The following SIK2 variants were observed in gnomAD, a reference collection of about 807,000 sequenced individuals.
The protein encoded by SIK2 is serine/threonine-protein kinase SIK2.
Under a neutral mutation model 103.2 loss-of-function variants are expected in SIK2, and 29 were observed. The observed-to-expected ratio is 0.28, with a 90% CI of 0.21 to 0.38. The LOEUF is 0.38. Ranked by LOEUF, SIK2 falls within the 10% of genes least tolerant of loss-of-function variation. SIK2 has a pLI of 1.00. For missense variants in SIK2, 879 were observed against 1,171.0 expected (o/e 0.75, Z 3.64); for synonymous variants, 412 against 446.1 (o/e 0.92, Z 0.96).
intron 3 of SIK2, among the ~76,000 whole-genome samples, chr11:111,684,519 T>C (rs1942819510): frequency 6.6e-6 from 1 of 152,210 alleles, no homozygotes; most frequent in Admixed American, 6.5e-5. Context: ...ACAGCTTAAA[T>C]AGCATTTTGT....
intron 3 of SIK2, among the ~76,000 whole-genome samples, chr11:111,645,927 T>C (rs1942250089): frequency 6.6e-6 from 1 of 152,206 alleles, no homozygotes; most frequent in Non-Finnish European, 1.5e-5. Context: ...GGAGTTCTGG[T>C]AATTTTTTAT....
chr11:111,707,874 C>G (rs1024695391), intron 8 of SIK2, among the ~76,000 whole-genome samples: 1 of 152,180 alleles, frequency 6.6e-6, no homozygotes, highest in African/African-American at 2.4e-5. Flanking sequence ...TCGGGCAAGT[C>G]AGCGTCTCTG....
intron 9 of SIK2, among the ~76,000 whole-genome samples, chr11:111,719,366 T>A (rs2135967499): frequency 6.7e-6 from 1 of 149,758 alleles, no homozygotes; most frequent in Non-Finnish European, 1.5e-5. Context: ...CTTTTTTTTT[T>A]TTTTTTTTTA....
At chr11:111,674,359 T>C (rs1420335559) in intron 3 of SIK2, among the ~76,000 whole-genome samples, 2 of 152,194 alleles carry the variant, frequency 1.3e-5, no homozygotes, top group Non-Finnish European at 2.9e-5. Flanking sequence ...TTTCCCAGTA[T>C]TGAACTTGGA....
intron 1 of SIK2, among the ~76,000 whole-genome samples, chr11:111,612,946 A>ATATATATATATATT (rs1203133793): frequency 1.3e-5 from 2 of 148,290 alleles, no homozygotes; most frequent in African/African-American, 5.0e-5. Flanking sequence ...ATATATATAT[A>ATATATATATATATT]TTTATGATCA....
chr11:111,714,785 G>C (rs1309774827), intron 9 of SIK2, among the ~76,000 whole-genome samples: 2 of 152,164 alleles, frequency 1.3e-5, no homozygotes, highest in Non-Finnish European at 2.9e-5. Flanking sequence ...TTGACCGAAA[G>C]GATTTAGTGT....
intron 7 of SIK2, among the ~76,000 whole-genome samples, chr11:111,704,378 G>A (rs1358111705): frequency 6.6e-6 from 1 of 152,242 alleles, no homozygotes; most frequent in Non-Finnish European, 1.5e-5. Flanking sequence ...AAAGCTGGCA[G>A]GCTAGAGATG....
At chr11:111,667,915 CAATT>C (rs1942568504) in intron 3 of SIK2, among the ~76,000 whole-genome samples, 1 of 152,218 alleles carries the variant, frequency 6.6e-6, no homozygotes, top group African/African-American at 2.4e-5. Flanking sequence ...GAATAGATAA[CAATT>C]AATTCGAGAA....
chr11:111,623,800 G>A (rs969915108), intron 3 of SIK2, among the ~76,000 whole-genome samples: 2 of 152,124 alleles, frequency 1.3e-5, no homozygotes, highest in African/African-American at 4.8e-5. Flanking sequence ...CTCAAGGGAC[G>A]GATCCCTCTG....
rs192236917 is a variant in SIK2, at chr11:111,670,529, T to C, written c.317-17472T>C. Among the ~76,000 whole-genome samples the C allele has an allele frequency of 1.1e-4, 17 of 152,318 alleles. No homozygotes were observed. The Middle Eastern group carries it at 0.014, about 122-fold the overall frequency. ...CCTTATTTATATAAAAGTTTAATGGTCCGCAAAATATTTGAATAGCACATG... is the reference window on the plus strand; with the variant it reads ...CCTTATTTATATAAAAGTTTAATGGCCCGCAAAATATTTGAATAGCACATG... On this transcript the variant is annotated intron_variant, in intron 3 of 14. Transcript: ENST00000304987.
At chr11:111,635,122 A>G (rs1338877253) in intron 3 of SIK2, among the ~76,000 whole-genome samples, 1 of 152,154 alleles carries the variant, frequency 6.6e-6, no homozygotes, top group Non-Finnish European at 1.5e-5. Flanking sequence ...AGCATGATTC[A>G]TGATTCAGAA....
intron 4 of SIK2, among the ~76,000 whole-genome samples, chr11:111,692,180 G>A (rs563300313): frequency 6.2e-4 from 94 of 151,374 alleles, no homozygotes; most frequent in Admixed American, 1.3e-3. Flanking sequence ...GTGAAACCTC[G>A]TCTCTACTAA....
At chr11:111,723,040 A>C (rs143599720) in intron 14 of SIK2, among the ~76,000 whole-genome samples, 1 of 152,258 alleles carries the variant, frequency 6.6e-6, no homozygotes, top group African/African-American at 2.4e-5. Flanking sequence ...CAGTGGCCCA[A>C]AGTATGGAGG....
In SIK2 at chr11:111,655,553, A is replaced by T. The variant is rs146806009; in HGVS notation, c.317-32448A>T. Among the ~76,000 whole-genome samples, 720 of 152,308 alleles carry T rather than the reference A, an allele frequency of 4.7e-3. 3 individuals are homozygous for T. The highest frequency in any genetic ancestry group is 7.5e-3 in the Non-Finnish European group (511 of 68,026). ...TAACTGCTGCTTAAAATCTGTGGGG[A>T]TAATCTGCTGTATTTTGGGGTGTTT... On this transcript the variant is annotated intron_variant, in intron 3 of 14. Transcript: ENST00000304987.
At chr11:111,628,416 ATCTTTCTTTCTTTCTTTCTT>A (rs112377118) in intron 3 of SIK2, among the ~76,000 whole-genome samples, 24 of 125,686 alleles carry the variant, frequency 1.9e-4, no homozygotes, top group African/African-American at 4.2e-4. Flanking sequence ...CCGCTTTCAT[ATCTTTCTTTCTTTCTTTCTT>A]TCTTTCTTTC....
chr11:111,708,222 A>C (rs957691448), intron 8 of SIK2, among the ~76,000 whole-genome samples: 1 of 152,064 alleles, frequency 6.6e-6, no homozygotes, highest in Non-Finnish European at 1.5e-5. Context: ...TCTCTACTAA[A>C]AACAAAAAAA....
At chr11:111,691,455 G>A (rs1175324176) in intron 4 of SIK2, among the ~76,000 whole-genome samples, 6 of 151,938 alleles carry the variant, frequency 3.9e-5, no homozygotes, top group Non-Finnish European at 7.4e-5. Flanking sequence ...TAAAAAATTG[G>A]CCGAGCTGAC....
chr11:111,711,253 G>A (rs7124414), intron 8 of SIK2, among the ~76,000 whole-genome samples: 1,882 of 151,974 alleles, frequency 0.012, 42 homozygotes, highest in African/African-American at 0.043. Context: ...CAAGTAGCTG[G>A]GACTACAGGC....
chr11:111,625,077 T>C (rs1430522957), intron 3 of SIK2, among the ~76,000 whole-genome samples: 1 of 151,696 alleles, frequency 6.6e-6, no homozygotes, highest in Non-Finnish European at 1.5e-5. Flanking sequence ...GAAGAGGAGG[T>C]CAGAGGGTAA....
Sources: allele counts gnomAD v4.1 joint callset (sites outside exome capture counted in the v4.1 genomes callset), GRCh38; gene constraint gnomAD v4.1.1; transcripts MANE v1.5; gene names NCBI Gene and HGNC (gene_info 2026-07-23, HGNC 2026-07-21).